ANKRD40: variants seen among roughly 807,000 people sequenced by gnomAD.
ANKRD40 encodes the protein ankyrin repeat domain 40.
A neutral mutation model predicts 35.5 loss-of-function variants in ANKRD40; 24 were observed. That is an observed-to-expected ratio of 0.68 (90% CI 0.49 to 0.95). The LOEUF (loss-of-function observed/expected upper bound fraction) is 0.95, where lower values mean the gene tolerates loss of function less well. ANKRD40 is among the 40% of genes least tolerant of loss of function. The probability of loss-of-function intolerance (pLI) is 0.00; values close to 1 mark genes in which losing one functional copy is unlikely to be tolerated. For missense variants in ANKRD40, 361 were observed against 436.0 expected, an observed-to-expected ratio of 0.83 and a Z score of 1.53; for synonymous variants, 147 against 173.5, an observed-to-expected ratio of 0.85 and a Z score of 1.20.
At chr17:50,698,985 C>CAAAAAAAAAAAA (rs5820829) in intron 3 of ANKRD40, among the ~76,000 whole-genome samples, 5 of 69,506 alleles carry the variant, frequency 7.2e-5, no homozygotes, top group Admixed American at 1.8e-4. Context: ...ACTAAAAATA[C>CAAAAAAAAAAAA]AAAAAAAAAA....
At chr17:50,699,321 C>G in intron 3 of ANKRD40, 78 bp downstream of exon 3, 3 of 1,525,256 alleles carry the variant, frequency 2.0e-6, no homozygotes, top group Non-Finnish European at 2.7e-6. Flanking sequence ...GCAATTATAC[C>G]CAGAATACCT....
chr17:50,705,809 C>G lies in ANKRD40; in HGVS notation c.134+1712G>C, dbSNP rs142145199. Among the ~76,000 whole-genome samples the G allele has an allele frequency of 3.9e-5, 6 of 151,966 alleles. No individual in the cohort carries two copies. In the East Asian group the frequency reaches 1.2e-3, roughly 30 times the overall value. On this transcript the variant is annotated intron_variant, in intron 1 of 4. Coordinates refer to ENST00000285243, the MANE Select transcript of ANKRD40 (RefSeq NM_052855.4). Reference sequence around the variant, plus strand: ...CCAAGTAGCTGGGATGACAGGCACACACCGCTACCCCTGGCTAATTTTTGT... The same window carrying G: ...CCAAGTAGCTGGGATGACAGGCACAGACCGCTACCCCTGGCTAATTTTTGT...
intron 4 of ANKRD40, 183 bp downstream of exon 4, chr17:50,696,756 CA>C (rs56236009): frequency 0.057 from 18,405 of 323,934 alleles, no homozygotes; most frequent in East Asian, 0.12. Flanking sequence ...CTTGACTTGC[CA>C]AAAAAAAAAA....
At chr17:50,702,779 A>G (rs1597868452) in intron 1 of ANKRD40, among the ~76,000 whole-genome samples, 1 of 152,282 alleles carries the variant, frequency 6.6e-6, no homozygotes, top group East Asian at 1.9e-4. Context: ...CGTGGCCCCC[A>G]CAGCCCTGTG....
intron 1 of ANKRD40, among the ~76,000 whole-genome samples, chr17:50,705,684 CAG>C (rs1277342280): frequency 1.5e-5 from 2 of 134,230 alleles, no homozygotes; most frequent in African/African-American, 2.9e-5. Context: ...TTTTTTGAGA[CAG>C]AGTCTCGCTC....
chr17:50,704,231 G>A (rs1968302740), intron 1 of ANKRD40, among the ~76,000 whole-genome samples: 2 of 151,962 alleles, frequency 1.3e-5, no homozygotes, highest in Admixed American at 1.3e-4. Context: ...AAATCTACAA[G>A]AGGCCGGGCG....
rs748907253 is a variant in ANKRD40 at position 50,699,880 on chromosome 17, ATCT to A, written c.294_296del (p.Glu98del). 9.2e-4 allele frequency: 1,380 copies of A among 1,505,510 alleles called. 4 individuals are homozygous for A. Among genetic ancestry groups the A allele is most frequent in the African/African-American group, 6.8e-3 (487 of 71,626 alleles). The allele number at this position is 1,505,510 out of a possible 1,614,324, so 93.3% of individuals were successfully genotyped here. The stretch of plus-strand genomic sequence containing the variant: ...GGTTGTCATCATCATCATCATCATC[ATCT>A]TCTTCTTCCACTTAAAAAGAAGAAA... On this transcript the variant is annotated inframe_deletion, in exon 3 of 5. Transcript: ENST00000285243.
Position 50,696,984 on chromosome 17 carries a change from G to T in ANKRD40, c.916C>A (p.Gln306Lys). The T allele has an allele frequency of 6.2e-7, 1 of 1,612,908 alleles. No individual in the cohort carries two copies. Among genetic ancestry groups the T allele is most frequent in the Non-Finnish European group, 8.5e-7 (1 of 1,179,492 alleles). Residue 306 changes from glutamine to lysine, a missense_variant, in exon 4 of 5, where the codon CAA (glutamine) becomes AAA (lysine). Physicochemically the swap from Gln to Lys is moderately conservative, Grantham distance 53 (BLOSUM62 1). Transcript: ENST00000285243. ...GGTAACTTTCTGATCTTCTCCACTT[G>T]ATCTGGATTAACACCCAGCTCACAG... is the stretch of plus-strand genomic sequence containing the variant. ...CCCELGVNPD[Q>K]VEKIRKLPNT...
In ANKRD40 at chr17:50,693,277, G is replaced by A. The variant is rs917908501; in HGVS notation, c.*2720C>T. On this transcript the variant is annotated 3_prime_UTR_variant, in exon 5 of 5. Transcript: ENST00000285243. ...CACAAAGAAAAAATCTTCAGTGAAT[G>A]TTTACACACAGTGTGAACACATGCT... 6.6e-6 allele frequency: 1 copy of A among 152,180 alleles called. No homozygotes were observed. Among genetic ancestry groups the A allele is most frequent in the Non-Finnish European group, 1.5e-5 (1 of 68,022 alleles). 9.4% of individuals were successfully genotyped at this position (152,180 alleles called of 1,614,324 possible).
intron 4 of ANKRD40, 81 bp downstream of exon 4, chr17:50,696,859 C>G: frequency 3.1e-6 from 4 of 1,286,380 alleles, no homozygotes; most frequent in Non-Finnish European, 3.2e-6. Context: ...TTTATTCCCT[C>G]AACTACCTCA....
intron 1 of ANKRD40, among the ~76,000 whole-genome samples, chr17:50,705,342 A>G (rs1968319494): frequency 6.6e-6 from 1 of 152,040 alleles, no homozygotes; most frequent in South Asian, 2.1e-4. Context: ...CCCAGTGCCA[A>G]AATGGTAATT....
chr17:50,694,415 G>A lies in ANKRD40; in HGVS notation c.*1582C>T, dbSNP rs1968172951. The A allele has an allele frequency of 6.6e-6, 1 of 152,166 alleles. No individual in the cohort carries two copies. The highest frequency in any genetic ancestry group is 2.1e-4 in the South Asian group (1 of 4,822). The allele number at this position is 152,166 out of a possible 1,614,324, so 9.4% of individuals were successfully genotyped here. A position where few individuals can be genotyped will look rare whatever the true frequency, so the allele number is the denominator to read the frequency against. ...ATCTTCTGCACGTTCTCACTCAACT[G>A]TAGTGTTCTAATAAAATTAAGTTAA... On this transcript the variant is annotated 3_prime_UTR_variant, in exon 5 of 5. Transcript: ENST00000285243.
intron 1 of ANKRD40, among the ~76,000 whole-genome samples, chr17:50,704,118 A>T (rs1425453168): frequency 6.6e-6 from 1 of 151,918 alleles, no homozygotes; most frequent in Non-Finnish European, 1.5e-5. Context: ...GAGGCTGAGG[A>T]CTCAGAGGAG....
rs566299795 is a variant in ANKRD40, at chr17:50,696,095, G to A, written c.1009C>T (p.Leu337=). The A allele has an allele frequency of 3.1e-6, 5 of 1,614,140 alleles. No individual in the cohort carries two copies. The African/African-American group carries it at 4.0e-5, about 13-fold the overall frequency. ...LQDFQELELV[L]MISENNFLFR... is the part of the protein sequence containing the mutation. ...AGAAAATTATTTTCACTTATCATCA[G>A]AACCAGTTCCAGCTCCTGGAAATCT... Residue 337 remains leucine, a synonymous_variant, in exon 5 of 5, where the codon CTG becomes TTG. Coordinates refer to ENST00000285243, the MANE Select transcript of ANKRD40 (RefSeq NM_052855.4).
intron 1 of ANKRD40, among the ~76,000 whole-genome samples, chr17:50,706,585 G>A (rs1968341130): frequency 6.6e-6 from 1 of 151,920 alleles, no homozygotes; most frequent in African/African-American, 2.4e-5. Flanking sequence ...AGTCTTGGGT[G>A]ACATTCTGTA....
intron 1 of ANKRD40, among the ~76,000 whole-genome samples, chr17:50,706,629 G>A (rs183180422): frequency 5.3e-5 from 8 of 151,372 alleles, no homozygotes; most frequent in Admixed American, 5.3e-4. Context: ...GGCCAGGAAC[G>A]GTAGGCTCAC....
rs1468644419 is a variant in ANKRD40 at position 50,700,648 on chromosome 17, G to A, written c.203C>T (p.Ala68Val). 4 of 1,613,870 alleles carry A rather than the reference G, an allele frequency of 2.5e-6. No homozygotes were observed. The highest frequency in any genetic ancestry group is 2.5e-6 in the Non-Finnish European group (3 of 1,180,016). ...TTTTGTGGTAAGAATTTCTTTGTCAGCTCCTGATTTTAACAGGTAAGAGAC... is the reference window on the plus strand; with the variant it reads ...TTTTGTGGTAAGAATTTCTTTGTCAACTCCTGATTTTAACAGGTAAGAGAC... ...QVVSYLLKSG[A>V]DKEILTTKGE... is the part of the protein sequence containing the mutation. The change falls in exon 2 of 5, where the codon GCT becomes GTT. Residue 68 changes from alanine to valine, a missense_variant. Physicochemically the swap from Ala to Val is moderately conservative, Grantham distance 64. Around this residue, in one of 5 missense-constraint regions of ANKRD40, gnomAD observed 35 missense variants for 68.4 expected, o/e 0.51. Transcript: ENST00000285243.
intron 2 of ANKRD40, 80 bp from the exon 3 acceptor site, chr17:50,699,973 T>C: frequency 7.3e-7 from 1 of 1,364,292 alleles, no homozygotes; most frequent in Non-Finnish European, 9.5e-7. Context: ...GTGGTGTCTT[T>C]TGGTATGTGA....
intron 2 of ANKRD40, 98 bp downstream of exon 2, chr17:50,700,470 A>G: frequency 2.6e-6 from 3 of 1,138,680 alleles, no homozygotes; most frequent in Non-Finnish European, 3.7e-6. Context: ...AGAAAGAAAT[A>G]GAGCAGTTGT....
Sources: gnomAD v4.1 joint callset for allele counts (sites outside exome capture counted in the v4.1 genomes callset) on GRCh38, gnomAD v4.1.1 for gene constraint, gnomAD v4.1.1 regional missense constraint, MANE v1.5 for transcripts, NCBI Gene and HGNC (gene_info 2026-07-23, HGNC 2026-07-21) for gene names.